The following RAPGEF2 variants were observed in gnomAD, a reference collection of about 807,000 sequenced individuals.
RAPGEF2 encodes Rap guanine nucleotide exchange factor 2, also known as PDZ domain containing guanine nucleotide exchange factor (GEF) 1.
Under a neutral mutation model 186.7 loss-of-function variants are expected in RAPGEF2, and 54 were observed. That is an observed-to-expected ratio of 0.29 (90% CI 0.23 to 0.36). The LOEUF is 0.36. Ranked by LOEUF, RAPGEF2 falls within the 10% of genes least tolerant of loss-of-function variation. RAPGEF2 has a pLI of 1.00. For missense variants in RAPGEF2, 1,532 were observed against 2,045.0 expected (o/e 0.75, Z 4.84); for synonymous variants, 712 against 705.9 (o/e 1.01, Z -0.14).
intron 8 of RAPGEF2, among the ~76,000 whole-genome samples, chr4:159,311,406 CAG>C (rs1399378348): frequency 6.6e-6 from 1 of 152,082 alleles, no homozygotes; most frequent in Non-Finnish European, 1.5e-5. Flanking sequence ...AAATTGCGTG[CAG>C]CGTTCATTGC....
chr4:159,323,461 G>T lies in RAPGEF2; in HGVS notation c.993G>T (p.Leu331=). The T allele has an allele frequency of 6.3e-7, 1 of 1,594,396 alleles. No individual in the cohort carries two copies. The highest frequency in any genetic ancestry group is 8.5e-7 in the Non-Finnish European group (1 of 1,170,892). The change falls in exon 11 of 30, where the codon CTG becomes CTT. Residue 331 remains leucine, a splice_region_variant and synonymous_variant. Transcript: ENST00000691494. ...TTGTCTTTATTTTTTTGGATTAGCT[G>T]GACTCCTGGTCAGTGATTCTCAATG... The part of the protein sequence containing the change: ...GTIVLNDGEE[L]DSWSVILNGS...
intron 7 of RAPGEF2, among the ~76,000 whole-genome samples, chr4:159,278,727 CGCTGTGTGACCCTG>C (rs1554024381): frequency 6.6e-6 from 1 of 152,158 alleles, no homozygotes; most frequent in Non-Finnish European, 1.5e-5. Context: ...ATCACTCATT[CGCTGTGTGACCCTG>C]GCTGTGTGGT....
Position 159,232,168 on chromosome 4 carries a change from T to G in RAPGEF2, c.282-6641T>G, listed in dbSNP as rs189091569. ...CTAGTTTTAAATGTATGGTTACATTTAAGTGTGTGTTACAGTGGCATTAAT... is the reference window on the plus strand; with the variant it reads ...CTAGTTTTAAATGTATGGTTACATTGAAGTGTGTGTTACAGTGGCATTAAT... On this transcript the variant is annotated intron_variant, in intron 4 of 29. Coordinates refer to ENST00000691494, the MANE Select transcript of RAPGEF2 (RefSeq NM_001394067.2). Among the ~76,000 whole-genome samples, 11 of 152,354 alleles carry G rather than the reference T, an allele frequency of 7.2e-5. No individual in the cohort carries two copies. The East Asian group carries it at 1.9e-3, about 27-fold the overall frequency.
At chr4:159,164,803 A>G (rs1745122904) in intron 1 of RAPGEF2, among the ~76,000 whole-genome samples, 1 of 152,212 alleles carries the variant, frequency 6.6e-6, no homozygotes, top group South Asian at 2.1e-4. Flanking sequence ...ATTTAGCCCA[A>G]TATCAAAATA....
chr4:159,107,847 T>C (rs1173753951), intron 1 of RAPGEF2, among the ~76,000 whole-genome samples: 5 of 152,230 alleles, frequency 3.3e-5, no homozygotes, highest in African/African-American at 9.6e-5. Context: ...GTGTCTGTTA[T>C]AGTTAAATTT....
chr4:159,295,746 TGTGTGTGTGCGCGC>T (rs879240017), intron 7 of RAPGEF2, among the ~76,000 whole-genome samples: 176 of 125,624 alleles, frequency 1.4e-3, no homozygotes, highest in South Asian at 2.5e-3. Context: ...TGTGTGTGTG[TGTGTGTGTGCGCGC>T]GCGCGCGCGC....
chr4:159,109,565 C>A (rs964014376), intron 1 of RAPGEF2, among the ~76,000 whole-genome samples: 4 of 152,104 alleles, frequency 2.6e-5, no homozygotes, highest in African/African-American at 9.7e-5. Flanking sequence ...TATACAATTT[C>A]TATTATTTAA....
At position 159,234,595 on chromosome 4, in the gene RAPGEF2, G is replaced by A. The variant is rs189665472; in HGVS notation, c.282-4214G>A. 2.4e-3 allele frequency among the ~76,000 whole-genome samples: 318 copies of A among 130,204 alleles called. 2 individuals carry two copies. The highest frequency in any genetic ancestry group is 8.9e-3 in the African/African-American group (295 of 32,980). The allele number at this position is 130,204 out of a possible 152,430, so 85.4% of individuals were successfully genotyped here. ...TTTTGAGACAGAGTCTCGCTCTGTC[G>A]CCCAGGCTGGAATGCAGTGGTGTGA... is the stretch of plus-strand genomic sequence containing the variant. On this transcript the variant is annotated intron_variant, in intron 4 of 29. Coordinates refer to ENST00000691494, the MANE Select transcript of RAPGEF2 (RefSeq NM_001394067.2).
At chr4:159,189,690 A>G (rs1378888462) in intron 2 of RAPGEF2, among the ~76,000 whole-genome samples, 2 of 152,252 alleles carry the variant, frequency 1.3e-5, no homozygotes, top group Admixed American at 6.5e-5. Flanking sequence ...GGGAAGGTCA[A>G]TATGCTTCAG....
chr4:159,195,019 G>A (rs1209631086), intron 3 of RAPGEF2, among the ~76,000 whole-genome samples: 1 of 152,202 alleles, frequency 6.6e-6, no homozygotes, highest in Non-Finnish European at 1.5e-5. Context: ...TTTAGAAGAA[G>A]ATACAGGTAG....
intron 8 of RAPGEF2, among the ~76,000 whole-genome samples, chr4:159,313,176 G>T (rs1278437291): frequency 6.6e-6 from 1 of 151,844 alleles, no homozygotes. Context: ...GAAAGAAAAA[G>T]AAAATAGCAC....
rs745695739 is a variant in RAPGEF2, at chr4:159,341,584, T to C, written c.2555T>C (p.Met852Thr). 1.3e-6 allele frequency: 2 copies of C among 1,598,342 alleles called. No homozygotes were observed. The highest frequency in any genetic ancestry group is 1.4e-5 in the African/African-American group (1 of 73,960). ...LSGRYYLKNN[M>T]ETETLCSDED... is the part of the protein sequence containing the mutation. ...CATAGGTATTATCTGAAAAACAACATGGAAACAGAAACTCTTTGTTCAGAT... is the reference window on the plus strand; with the variant it reads ...CATAGGTATTATCTGAAAAACAACACGGAAACAGAAACTCTTTGTTCAGAT... Residue 852 changes from methionine (M) to threonine (T), a missense_variant, in exon 20 of 30, where the codon ATG (methionine) becomes ACG (threonine). Around this residue, in one of 4 missense-constraint regions of RAPGEF2, gnomAD observed 810 missense variants for 1,210.5 expected, o/e 0.67. Coordinates refer to ENST00000691494, the MANE Select transcript of RAPGEF2 (RefSeq NM_001394067.2).
At chr4:159,177,406 T>C (rs1160691709) in intron 1 of RAPGEF2, among the ~76,000 whole-genome samples, 1 of 152,192 alleles carries the variant, frequency 6.6e-6, no homozygotes, top group Admixed American at 6.5e-5. Flanking sequence ...CATGAAACTA[T>C]CAGTACTGAA....
intron 1 of RAPGEF2, among the ~76,000 whole-genome samples, chr4:159,105,991 C>G (rs1248168290): frequency 2.6e-5 from 4 of 152,166 alleles, no homozygotes; most frequent in Non-Finnish European, 2.9e-5. Flanking sequence ...GGTCACCAAA[C>G]AAGACTAGAA....
At chr4:159,203,884 G>A (rs947559162) in intron 3 of RAPGEF2, among the ~76,000 whole-genome samples, 1 of 152,238 alleles carries the variant, frequency 6.6e-6, no homozygotes, top group Admixed American at 6.5e-5. Context: ...CTTCCATTTT[G>A]CAGTTGAGGA....
intron 1 of RAPGEF2, among the ~76,000 whole-genome samples, chr4:159,173,693 T>G (rs1746147915): frequency 6.6e-6 from 1 of 152,178 alleles, no homozygotes; most frequent in Admixed American, 6.5e-5. Context: ...AGTTCAGGAA[T>G]CATTTTATTA....
chr4:159,323,476 G>A lies in RAPGEF2; in HGVS notation c.1008G>A (p.Val336=). ...TGGATTAGCTGGACTCCTGGTCAGT[G>A]ATTCTCAATGGATCTGTGGAAGTGA... ...NDGEELDSWS[V]ILNGSVEVTY... The change falls in exon 11 of 30, where the codon GTG becomes GTA. Residue 336 remains valine, a synonymous_variant. Coordinates refer to ENST00000691494, the MANE Select transcript of RAPGEF2 (RefSeq NM_001394067.2). 6.2e-7 allele frequency: 1 copy of A among 1,604,960 alleles called. No homozygotes were observed. Among genetic ancestry groups the A allele is most frequent in the Non-Finnish European group, 8.5e-7 (1 of 1,176,164 alleles).
chr4:159,131,039 C>A (rs968825909), intron 1 of RAPGEF2, among the ~76,000 whole-genome samples: 1 of 151,824 alleles, frequency 6.6e-6, no homozygotes, highest in Non-Finnish European at 1.5e-5. Flanking sequence ...ATGTTTTACT[C>A]TCCAGGTTTA....
At chr4:159,182,480 C>T (rs936661726) in intron 1 of RAPGEF2, among the ~76,000 whole-genome samples, 1 of 144,518 alleles carries the variant, frequency 6.9e-6, no homozygotes, top group East Asian at 2.0e-4. Context: ...ACTGCAACCT[C>T]CTTCTCCTGG....
Sources: gnomAD v4.1 joint callset for allele counts (sites outside exome capture counted in the v4.1 genomes callset) on GRCh38, gnomAD v4.1.1 for gene constraint, gnomAD v4.1.1 regional missense constraint, MANE v1.5 for transcripts, NCBI Gene and HGNC (gene_info 2026-07-23, HGNC 2026-07-21) for gene names.